Variants in UBE4B observed in about 807,000 individuals in gnomAD.
UBE4B encodes the protein ubiquitin conjugation factor E4 B.
UBE4B carries 27 observed loss-of-function variants against 148.1 expected under a neutral mutation model. The observed-to-expected ratio is 0.18, with a 90% CI of 0.13 to 0.25. The LOEUF is 0.25. Among genes scored for constraint, UBE4B ranks in the 10% least tolerant of loss-of-function variants. The pLI is 1.00. For synonymous variants in UBE4B, 596 were observed against 619.3 expected (o/e 0.96, Z 0.56); for missense variants, 1,170 against 1,662.4 (o/e 0.70, Z 5.15).
At chr1:10,152,291 AT>A (rs1645989844) in intron 21 of UBE4B, among the ~76,000 whole-genome samples, 2 of 147,512 alleles carry the variant, frequency 1.4e-5, no homozygotes, top group African/African-American at 5.1e-5. Context: ...AATAATAATA[AT>A]AATACCACTT....
chr1:10,041,783 G>A (rs1221986519), intron 1 of UBE4B, among the ~76,000 whole-genome samples: 13 of 151,988 alleles, frequency 8.6e-5, no homozygotes, highest in Admixed American at 7.2e-4. Flanking sequence ...TGCAACCTCC[G>A]CCTCCCGAGT....
chr1:10,135,540 C>G (rs1205111946), intron 16 of UBE4B, among the ~76,000 whole-genome samples: 1 of 151,968 alleles, frequency 6.6e-6, no homozygotes, highest in African/African-American at 2.4e-5. Flanking sequence ...AGTTCATGAC[C>G]AGCCTGATCA....
Position 10,171,427 on chromosome 1 carries a change from G to A in UBE4B, c.3525+98G>A, listed in dbSNP as rs140106997. On this transcript the variant is annotated intron_variant, in intron 25 of 27. Coordinates refer to ENST00000343090, the MANE Select transcript of UBE4B (RefSeq NM_001105562.3). ...ACTCGTCTGGTGTAAATGAAGATGA[G>A]TGGGTTGTTTTCCTTTGAGTGTGAA... is the stretch of plus-strand genomic sequence containing the variant. 3.5e-6 allele frequency: 5 copies of A among 1,429,496 alleles called. No individual in the cohort carries two copies. In the African/African-American group the frequency reaches 4.3e-5, roughly 12 times the overall value. 88.6% of individuals were successfully genotyped at this position (1,429,496 alleles called of 1,614,324 possible). A position where few individuals can be genotyped will look rare whatever the true frequency, so the allele number is the denominator to read the frequency against.
chr1:10,130,425 C>T, intron 12 of UBE4B, 75 bp from the exon 13 acceptor site: 5 of 1,184,926 alleles, frequency 4.2e-6, no homozygotes, highest in Non-Finnish European at 6.2e-6. Flanking sequence ...TACAGAGGAG[C>T]TGGAGAGTTT....
At chr1:10,119,692 TCTTGCACCAC>T (rs1195733148) in intron 9 of UBE4B, 79 bp downstream of exon 9, 25 of 1,291,104 alleles carry the variant, frequency 1.9e-5, no homozygotes, top group Non-Finnish European at 2.1e-5. Context: ...CTCTGGCCAT[TCTTGCACCAC>T]CTTAGATAAC....
In UBE4B at chr1:10,162,254, A is replaced by G. The variant is rs141237094; in HGVS notation, c.3198+968A>G. Among the ~76,000 whole-genome samples, 264 of 152,238 alleles carry G rather than the reference A, an allele frequency of 1.7e-3. 3 individuals are homozygous for G. In the East Asian group the frequency reaches 0.041, roughly 24 times the overall value. On this transcript the variant is annotated intron_variant, in intron 23 of 27. Transcript: ENST00000343090. Reference sequence around the variant, plus strand: ...AGTGGCACGATCTCAGCTCACTGCAATCTTTGCCTCCTGGGTACAAGTGAT... The same window carrying G: ...AGTGGCACGATCTCAGCTCACTGCAGTCTTTGCCTCCTGGGTACAAGTGAT...
intron 2 of UBE4B, among the ~76,000 whole-genome samples, chr1:10,085,520 A>C (rs540772723): frequency 1.3e-5 from 2 of 152,196 alleles, no homozygotes; most frequent in Non-Finnish European, 2.9e-5. Context: ...TCTTTTGTTG[A>C]TAAGATTTGT....
intron 14 of UBE4B, among the ~76,000 whole-genome samples, chr1:10,131,809 T>A (rs868814070): frequency 2.0e-5 from 3 of 152,026 alleles, no homozygotes; most frequent in Admixed American, 6.6e-5. Flanking sequence ...AAAAATTAGC[T>A]GGGCATGGTG....
chr1:10,148,073 A>G (rs1645904522), intron 19 of UBE4B, among the ~76,000 whole-genome samples: 1 of 152,058 alleles, frequency 6.6e-6, no homozygotes, highest in Admixed American at 6.6e-5. Context: ...TAAAAATACA[A>G]AAAATTAGCT....
At chr1:10,080,548 A>T (rs1254248987) in intron 2 of UBE4B, among the ~76,000 whole-genome samples, 1 of 152,346 alleles carries the variant, frequency 6.6e-6, no homozygotes, top group East Asian at 1.9e-4. Flanking sequence ...ATGATCTGGC[A>T]GTCCCACTGA....
intron 2 of UBE4B, among the ~76,000 whole-genome samples, chr1:10,078,133 C>T (rs749339951): frequency 4.6e-5 from 7 of 152,034 alleles, no homozygotes; most frequent in African/African-American, 1.2e-4. Flanking sequence ...CCTCAGCCTC[C>T]GAGTAGCTGG....
chr1:10,077,818 T>A (rs78868627), intron 2 of UBE4B, among the ~76,000 whole-genome samples: 1 of 152,194 alleles, frequency 6.6e-6, no homozygotes, highest in Non-Finnish European at 1.5e-5. Context: ...CAAATGTACA[T>A]GATAACATAA....
intron 7 of UBE4B, among the ~76,000 whole-genome samples, chr1:10,111,293 C>T (rs1293577981): frequency 1.3e-5 from 2 of 152,020 alleles, no homozygotes; most frequent in African/African-American, 2.4e-5. Context: ...CTAACTTAAT[C>T]TCCCTCTACT....
rs1645505235 is a variant in UBE4B, at chr1:10,126,733, A to G, written c.1555-61A>G. The G allele has an allele frequency of 2.1e-6, 3 of 1,416,250 alleles. No homozygotes were observed. The Admixed American group carries it at 5.2e-5, about 25-fold the overall frequency. The allele number at this position is 1,416,250 out of a possible 1,614,324, so 87.7% of individuals were successfully genotyped here. ...ATTCAGTTCTAGCACCTTATTTGAC[A>G]TACTTCCCACTCTTAGATTCTCTTA... On this transcript the variant is annotated intron_variant, in intron 10 of 27. Coordinates refer to ENST00000343090, the MANE Select transcript of UBE4B (RefSeq NM_001105562.3).
chr1:10,094,456 C>T (rs972694396), intron 2 of UBE4B, among the ~76,000 whole-genome samples: 8 of 147,662 alleles, frequency 5.4e-5, no homozygotes, highest in African/African-American at 1.0e-4. Context: ...TTTTTTTAGA[C>T]GGAGTCTTGC....
chr1:10,040,211 G>A (rs2101769829), intron 1 of UBE4B, among the ~76,000 whole-genome samples: 1 of 151,506 alleles, frequency 6.6e-6, no homozygotes, highest in African/African-American at 2.4e-5. Context: ...TGCAACCTCT[G>A]CCCCCTGGGT....
chr1:10,058,663 C>T (rs1408917113), intron 1 of UBE4B: 3 of 151,798 alleles, frequency 2.0e-5, no homozygotes, highest in Non-Finnish European at 4.4e-5. Flanking sequence ...CCAGCTGCCG[C>T]CTGCAGGTGG....
rs775143993 is a variant in UBE4B at position 10,106,398 on chromosome 1, C to T, written c.1011C>T (p.His337=). 2.5e-6 allele frequency: 4 copies of T among 1,613,390 alleles called. No individual in the cohort carries two copies. In the African/African-American group the frequency reaches 4.0e-5, roughly 16 times the overall value. The change falls in exon 7 of 28, where the codon CAC becomes CAT. Residue 337 remains histidine (H), a synonymous_variant. Coordinates refer to ENST00000343090, the MANE Select transcript of UBE4B (RefSeq NM_001105562.3). The surrounding 1 kb of genome is among the most constrained non-coding windows in gnomAD (Gnocchi z 4.2). ...GGTATCGCCCCTACACTGTCACTCA[C>T]CCATGGGCGTCCTCAGGCGTCTCCA... is the stretch of plus-strand genomic sequence containing the variant. ...SPRYRPYTVT[H]PWASSGVSIL...
At chr1:10,155,958 A>T (rs1646062476) in intron 21 of UBE4B, among the ~76,000 whole-genome samples, 1 of 150,514 alleles carries the variant, frequency 6.6e-6, no homozygotes, top group Non-Finnish European at 1.5e-5. Flanking sequence ...GGGACCTGGG[A>T]GGTGGAGGTC....
Sources: allele counts gnomAD v4.1 joint callset (sites outside exome capture counted in the v4.1 genomes callset), GRCh38; gene constraint gnomAD v4.1.1; non-coding constraint Gnocchi (gnomAD v3.1); transcripts MANE v1.5; gene names NCBI Gene and HGNC (gene_info 2026-07-23, HGNC 2026-07-21).